The following CLEC12A variants were observed in gnomAD, a reference collection of about 807,000 sequenced individuals.
CLEC12A encodes C-type lectin domain family 12 member A, also known as C-type lectin protein CLL-1.
In CLEC12A, 22 loss-of-function variants were observed where a neutral mutation model predicts 26.5. That is an observed-to-expected ratio of 0.83 (90% confidence interval 0.59 to 1.19). The LOEUF (loss-of-function observed/expected upper bound fraction) is 1.19. CLEC12A is among the 50% of genes most tolerant of loss of function. The pLI is 0.00. For synonymous variants in CLEC12A, 119 were observed against 101.9 expected (o/e 1.17, Z -1.01); for missense variants, 353 against 315.6 (o/e 1.12, Z -0.90).
rs531448596 is a variant in CLEC12A, at chr12:9,992,851, A to T, written n.1005-2167A>T. The T allele has an allele frequency of 1.4e-5, 4 of 292,350 alleles. No individual in the cohort carries two copies. The South Asian group carries it at 2.8e-4, about 20-fold the overall frequency. The allele number at this position is 292,350 out of a possible 1,614,324, so 18.1% of individuals were successfully genotyped here. A position where few individuals can be genotyped will look rare whatever the true frequency, so the allele number is the denominator to read the frequency against. ...GGCCTGATTTTGATGTTATATGTGT[A>T]TATCTGAAGATGCAGTAAATCATAC... On this transcript the variant is annotated intron_variant and non_coding_transcript_variant, in intron 4 of 4. Coordinates refer to the CLEC12A transcript ENST00000449959.
chr12:9,969,416 T>A (rs1332324834), upstream of CLEC12A, among the ~76,000 whole-genome samples: 2 of 152,204 alleles, frequency 1.3e-5, no homozygotes, highest in East Asian at 3.8e-4. Context: ...TGATATAGGC[T>A]GTGAAGGGCA....
chr12:9,973,416 T>C (rs1235638451), intron 1 of CLEC12A, among the ~76,000 whole-genome samples: 1 of 151,972 alleles, frequency 6.6e-6, no homozygotes, highest in East Asian at 1.9e-4. Flanking sequence ...ATCAGGCGAG[T>C]GTACTCCAGT....
downstream of CLEC12A, among the ~76,000 whole-genome samples, chr12:9,996,093 G>T (rs1865038887): frequency 6.6e-6 from 1 of 152,112 alleles, no homozygotes; most frequent in African/African-American, 2.4e-5. Context: ...AATGACTTGA[G>T]CTTCTTGACA....
upstream of CLEC12A, among the ~76,000 whole-genome samples, chr12:9,971,150 T>A (rs1333372169): frequency 6.6e-6 from 1 of 152,118 alleles, no homozygotes; most frequent in Non-Finnish European, 1.5e-5. Context: ...AGTGAGTGTC[T>A]GAGAACTGCA....
intron 1 of CLEC12A, among the ~76,000 whole-genome samples, chr12:9,966,265 TGA>T (rs1863946706): frequency 6.6e-6 from 1 of 152,104 alleles, no homozygotes; most frequent in African/African-American, 2.4e-5. Flanking sequence ...CCCTCCACTG[TGA>T]GAGTTACCTA....
intron 1 of CLEC12A, chr12:9,952,139 C>T (rs1478569502): frequency 7.5e-6 from 1 of 133,400 alleles, no homozygotes; most frequent in Non-Finnish European, 1.6e-5. Context: ...CTCTCCCTCT[C>T]CCTCTCCGTC....
At chr12:10,005,731 T>A in the CLEC12A span, among the ~76,000 whole-genome samples, 1 of 152,236 alleles carries the variant, frequency 6.6e-6, no homozygotes. Context: ...ATTAATACAT[T>A]TCAAAATAAA....
At chr12:9,982,607 T>A (rs968400500) in intron 5 of CLEC12A, among the ~76,000 whole-genome samples, 3 of 152,166 alleles carry the variant, frequency 2.0e-5, no homozygotes, top group South Asian at 4.1e-4. Context: ...TTTGCAATGA[T>A]ACTTTTGTTA....
At chr12:9,996,859 T>C (rs769148753), downstream of CLEC12A, 5 of 1,614,076 alleles carry the variant, frequency 3.1e-6, no homozygotes, top group Non-Finnish European at 3.4e-6. Context: ...AATGTTCCGG[T>C]TGTCAATCTT....
At chr12:9,988,826 C>T (rs1864828500), downstream of CLEC12A, among the ~76,000 whole-genome samples, 1 of 152,152 alleles carries the variant, frequency 6.6e-6, no homozygotes, top group African/African-American at 2.4e-5. Flanking sequence ...GGATCTAGAA[C>T]TAGAAATACC....
chr12:9,974,599 T>C (rs1864258276), intron 1 of CLEC12A, among the ~76,000 whole-genome samples: 1 of 152,158 alleles, frequency 6.6e-6, no homozygotes, highest in Non-Finnish European at 1.5e-5. Flanking sequence ...CATATAAATA[T>C]ATATTTAAAT....
downstream of CLEC12A, among the ~76,000 whole-genome samples, chr12:9,990,399 C>G (rs757656497): frequency 1.1e-3 from 170 of 152,244 alleles, no homozygotes; most frequent in Non-Finnish European, 2.1e-3. Context: ...GAATCAAACC[C>G]TCATGGATAA....
chr12:9,981,988 T>C, intron 4 of CLEC12A, 32 bp from the exon 5 acceptor site: 1 of 1,121,088 alleles, frequency 8.9e-7, no homozygotes, highest in Non-Finnish European at 1.3e-6. Context: ...TAGGAGACTG[T>C]TTCTTAAACA....
At chr12:9,952,587 C>T (rs1246836962) in intron 1 of CLEC12A, 1 of 168,768 alleles carries the variant, frequency 5.9e-6, no homozygotes, top group South Asian at 1.2e-4. Context: ...AGCCTCTGCC[C>T]GGCCGCCACC....
the CLEC12A span, among the ~76,000 whole-genome samples, chr12:10,002,724 G>A: frequency 1.3e-5 from 2 of 152,132 alleles, no homozygotes; most frequent in Non-Finnish European, 2.9e-5. Context: ...TTACAGGCGT[G>A]AGCCACCGCA....
At chr12:9,989,120 A>T (rs989632925), downstream of CLEC12A, among the ~76,000 whole-genome samples, 3 of 151,306 alleles carry the variant, frequency 2.0e-5, no homozygotes, top group African/African-American at 7.3e-5. Flanking sequence ...AGGACAAAAA[A>T]CCAAACACCG....
chr12:9,985,231 C>A lies in CLEC12A; in HGVS notation c.*205C>A. On this transcript the variant is annotated 3_prime_UTR_variant, in exon 6 of 6. Transcript: ENST00000304361. ...AGAGGTATAATGAAGCATGTCCCAC[C>A]TCCCACTTTCCATCATGGCCTGAAC... 2 of 469,230 alleles carry A rather than the reference C, an allele frequency of 4.3e-6. No individual in the cohort carries two copies. Among genetic ancestry groups the A allele is most frequent in the Non-Finnish European group, 6.9e-6 (2 of 289,920 alleles). The allele number at this position is 469,230 out of a possible 1,614,324, so 29.1% of individuals were successfully genotyped here. A position where few individuals can be genotyped will look rare whatever the true frequency, so the allele number is the denominator to read the frequency against.
the CLEC12A span, among the ~76,000 whole-genome samples, chr12:10,002,015 G>A: frequency 1.3e-5 from 2 of 151,780 alleles, no homozygotes; most frequent in African/African-American, 4.8e-5. Context: ...GAGTAGCTGG[G>A]AGTACAGGCG....
chr12:9,968,341 G>T (rs895156784), upstream of CLEC12A, among the ~76,000 whole-genome samples: 1 of 152,122 alleles, frequency 6.6e-6, no homozygotes, highest in Non-Finnish European at 1.5e-5. Context: ...TTTCACCTGG[G>T]TGCAGGTGGG....
Sources: allele counts gnomAD v4.1 joint callset (sites outside exome capture counted in the v4.1 genomes callset), GRCh38; gene constraint gnomAD v4.1.1; transcripts MANE v1.5; gene names NCBI Gene and HGNC (gene_info 2026-07-23, HGNC 2026-07-21).